The following HMCN1 variants were observed in gnomAD, a reference collection of about 807,000 sequenced individuals.
HMCN1 encodes hemicentin-1.
Under a neutral mutation model 625.9 loss-of-function variants are expected in HMCN1, and 321 were observed. The observed-to-expected ratio is 0.51, with a 90% CI of 0.47 to 0.56. The LOEUF is 0.56. Ranked by LOEUF, HMCN1 falls within the 20% of genes least tolerant of loss-of-function variation. The pLI is 0.00. For synonymous variants in HMCN1, 2,425 were observed against 2,417.6 expected, an observed-to-expected ratio of 1.00 and a Z score of -0.09; for missense variants, 6,588 against 6,887.3, an observed-to-expected ratio of 0.96 and a Z score of 1.54.
intron 29 of HMCN1, among the ~76,000 whole-genome samples, chr1:186,006,576 T>C (rs1653648199): frequency 6.6e-6 from 1 of 152,060 alleles, no homozygotes. Flanking sequence ...TCAATATTTA[T>C]GATTATGTAA....
chr1:185,986,372 G>A (rs1325198661), intron 19 of HMCN1, among the ~76,000 whole-genome samples: 1 of 152,092 alleles, frequency 6.6e-6, no homozygotes, highest in Non-Finnish European at 1.5e-5. Context: ...TTGAGCTCCC[G>A]GGAGCAGTTC....
intron 56 of HMCN1, 139 bp downstream of exon 56, chr1:186,081,533 T>C (rs1659171745): frequency 3.1e-6 from 2 of 638,062 alleles, no homozygotes; most frequent in African/African-American, 3.7e-5. Flanking sequence ...CAAAGGTATA[T>C]ATAATAAAAT....
intron 11 of HMCN1, among the ~76,000 whole-genome samples, chr1:185,936,042 T>G (rs1667798019): frequency 6.6e-6 from 1 of 152,176 alleles, no homozygotes; most frequent in Non-Finnish European, 1.5e-5. Flanking sequence ...ATTGAATACA[T>G]ACTTTAGGAA....
In HMCN1 at chr1:185,993,270, G is replaced by T; in HGVS notation, c.3466G>T (p.Ala1156Ser). Residue 1156 changes from alanine to serine, a missense_variant, in exon 23 of 107, where the codon GCT (alanine) becomes TCT (serine). Transcript: ENST00000271588. ...GMYLCVATNI[A>S]GNVTQAVKLN... ...GTATCTTTGTGTTGCCACAAATATT[G>T]CTGGGAATGTGACTCAGGCTGTCAA... 1 of 1,613,156 alleles carries T rather than the reference G, an allele frequency of 6.2e-7. No homozygotes were observed. The highest frequency in any genetic ancestry group is 8.5e-7 in the Non-Finnish European group (1 of 1,179,280).
chr1:186,092,012 A>G (rs1316983575), intron 64 of HMCN1, among the ~76,000 whole-genome samples: 1 of 151,896 alleles, frequency 6.6e-6, no homozygotes, highest in Non-Finnish European at 1.5e-5. Context: ...CATATTCCAG[A>G]CCAAGTACTA....
chr1:185,813,325 A>T (rs1659645364), intron 1 of HMCN1, among the ~76,000 whole-genome samples: 1 of 152,134 alleles, frequency 6.6e-6, no homozygotes. Context: ...CCATTCCTTA[A>T]ATTTGTTTGG....
At chr1:185,887,026 C>T (rs555593237) in intron 4 of HMCN1, among the ~76,000 whole-genome samples, 1 of 152,214 alleles carries the variant, frequency 6.6e-6, no homozygotes, top group East Asian at 1.9e-4. Flanking sequence ...GCTGCCTCGG[C>T]ACTTCTGCTT....
chr1:185,889,957 G>T (rs1441438490), intron 4 of HMCN1, among the ~76,000 whole-genome samples: 1 of 149,248 alleles, frequency 6.7e-6, no homozygotes, highest in African/African-American at 2.6e-5. Context: ...TTTTTGGTTG[G>T]TAAGCTATTG....
chr1:185,801,563 G>T (rs1658796478), intron 1 of HMCN1, among the ~76,000 whole-genome samples: 1 of 152,188 alleles, frequency 6.6e-6, no homozygotes, highest in South Asian at 2.1e-4. Flanking sequence ...TGATTAAATA[G>T]TCACATTAAA....
rs1657762683 is a variant in HMCN1, at chr1:186,062,402, A to G, written c.7427-112A>G. The G allele has an allele frequency of 7.0e-6, 5 of 715,674 alleles. No homozygotes were observed. In the Admixed American group the frequency reaches 8.0e-5, roughly 11 times the overall value. The allele number at this position is 715,674 out of a possible 1,614,324, so 44.3% of individuals were successfully genotyped here. ...TCTAGCAATCAAATAATGAATGTGG[A>G]TTGGGGGATTTGTTTTGAAGGTTAT... On this transcript the variant is annotated intron_variant, in intron 47 of 106. Coordinates refer to ENST00000271588, the MANE Select transcript of HMCN1 (RefSeq NM_031935.3).
At chr1:186,060,847 T>G (rs1171734999) in intron 46 of HMCN1, among the ~76,000 whole-genome samples, 1 of 152,144 alleles carries the variant, frequency 6.6e-6, no homozygotes, top group Non-Finnish European at 1.5e-5. Flanking sequence ...TATTCCCATA[T>G]TACATGTTCA....
chr1:185,865,682 C>T (rs1045393948), intron 3 of HMCN1, 59 bp from the exon 4 acceptor site: 36 of 1,442,128 alleles, frequency 2.5e-5, no homozygotes, highest in Non-Finnish European at 3.5e-5. Context: ...AGTCAATACA[C>T]ATATTTTTTT....
chr1:185,892,357 G>T (rs915296104), intron 4 of HMCN1, among the ~76,000 whole-genome samples: 4 of 152,030 alleles, frequency 2.6e-5, no homozygotes, highest in African/African-American at 9.7e-5. Flanking sequence ...CTGGTGAGGA[G>T]CTGCCTTCCT....
At chr1:185,849,404 C>T (rs1337452319) in intron 2 of HMCN1, among the ~76,000 whole-genome samples, 1 of 152,136 alleles carries the variant, frequency 6.6e-6, no homozygotes, top group Non-Finnish European at 1.5e-5. Context: ...CTTTCTCTGT[C>T]ATAAAGCAGT....
Position 186,103,640 on chromosome 1 carries a change from G to A in HMCN1, c.10742G>A (p.Gly3581Glu), listed in dbSNP as rs780643248. 7.4e-6 allele frequency: 12 copies of A among 1,613,656 alleles called. No homozygotes were observed. In the East Asian group the frequency reaches 1.6e-4, roughly 21 times the overall value. The change falls in exon 69 of 107, where the codon GGA becomes GAA. Residue 3581 changes from glycine (G) to glutamate (E), a missense_variant. By Grantham distance (98) the Gly-to-Glu change is moderately conservative (BLOSUM62 -2). Around this residue, in one of 3 missense-constraint regions of HMCN1, gnomAD observed 4,628 missense variants for 4,853.1 expected, o/e 0.95. Transcript: ENST00000271588. Reference protein sequence around the residue: ...QTDQVQTLGGGEVLRISTAQV... With the variant: ...QTDQVQTLGGEEVLRISTAQV... ...GATCAAGTGCAAACTCTAGGAGGAG[G>A]AGAGGTTCTTCGAATTTCTACTGCT...
Position 185,977,948 on chromosome 1 carries a change from A to G in HMCN1, c.2533A>G (p.Ser845Gly), listed in dbSNP as rs774143574. ...FSRPFSVSSISQLRTGALFIL... is the reference protein window; with the variant it reads ...FSRPFSVSSIGQLRTGALFIL... Reference sequence around the variant, plus strand: ...AAGACCTTTTTCAGTTAGTTCCATCAGCCAACTAAGAACAGGAGCTCTCTT... The same window carrying G: ...AAGACCTTTTTCAGTTAGTTCCATCGGCCAACTAAGAACAGGAGCTCTCTT... Residue 845 changes from serine to glycine, a missense_variant, in exon 16 of 107, where the codon AGC becomes GGC. Transcript: ENST00000271588. The G allele has an allele frequency of 6.2e-7, 1 of 1,613,170 alleles. No homozygotes were observed. The highest frequency in any genetic ancestry group is 1.7e-5 in the Admixed American group (1 of 59,954).
rs770888288 is a variant in HMCN1 at position 186,137,482 on chromosome 1, A to T, written c.13583-16A>T. 6.2e-7 allele frequency: 1 copy of T among 1,611,888 alleles called. No individual in the cohort carries two copies. Among genetic ancestry groups the T allele is most frequent in the Admixed American group, 1.7e-5 (1 of 59,782 alleles). On this transcript the variant is annotated splice_polypyrimidine_tract_variant and intron_variant, in intron 87 of 106. Transcript: ENST00000271588. ...ATTTGCAAAAGCTTAGACAAAGTAC[A>T]ATGTTTTATTTGCAGTTCATGGTGG...
At chr1:185,998,926 T>C (rs1052853911) in intron 25 of HMCN1, among the ~76,000 whole-genome samples, 1 of 152,138 alleles carries the variant, frequency 6.6e-6, no homozygotes, top group Non-Finnish European at 1.5e-5. Context: ...GCCTCCTTTT[T>C]TCTTGACAAC....
At chr1:185,983,458 T>G (rs1651797208) in intron 18 of HMCN1, among the ~76,000 whole-genome samples, 1 of 152,000 alleles carries the variant, frequency 6.6e-6, no homozygotes, top group Non-Finnish European at 1.5e-5. Context: ...TAAAAAAAAG[T>G]GAATTGACTC....
Sources: gnomAD v4.1 joint callset for allele counts (sites outside exome capture counted in the v4.1 genomes callset) on GRCh38, gnomAD v4.1.1 for gene constraint, gnomAD v4.1.1 regional missense constraint, MANE v1.5 for transcripts, NCBI Gene and HGNC (gene_info 2026-07-23, HGNC 2026-07-21) for gene names.